The following FARS2 variants were observed in gnomAD, a reference collection of about 807,000 sequenced individuals.
FARS2 encodes phenylalanine--tRNA ligase, mitochondrial.
FARS2 carries 40 observed loss-of-function variants against 46.4 expected under a neutral mutation model. That is an observed-to-expected ratio of 0.86 (90% CI 0.67 to 1.12). FARS2 has a LOEUF of 1.12. Among genes scored for constraint, FARS2 ranks in the 50% most tolerant of loss-of-function variants. The pLI is 0.00. For synonymous variants in FARS2, 234 were observed against 214.9 expected (o/e 1.09, Z -0.78); for missense variants, 513 against 567.9 (o/e 0.90, Z 0.98).
chr6:5,686,957 G>C (rs1757278666), intron 6 of FARS2, among the ~76,000 whole-genome samples: 1 of 152,222 alleles, frequency 6.6e-6, no homozygotes, highest in Non-Finnish European at 1.5e-5. Context: ...GGCCAGTGAT[G>C]ATGAGCATTT....
At chr6:5,257,355 GA>G (rs1247540052), upstream of FARS2, among the ~76,000 whole-genome samples, 4 of 152,094 alleles carry the variant, frequency 2.6e-5, no homozygotes, top group Non-Finnish European at 5.9e-5. Flanking sequence ...CACCCCTTGG[GA>G]GGCCTTCTAG....
intron 3 of FARS2, among the ~76,000 whole-genome samples, chr6:5,411,152 G>A (rs1351183274): frequency 2.0e-5 from 3 of 152,136 alleles, no homozygotes; most frequent in African/African-American, 7.2e-5. Context: ...AATGGCTCAC[G>A]CCTGTAGTCC....
chr6:5,280,440 A>T (rs1461419184), intron 1 of FARS2, among the ~76,000 whole-genome samples: 2 of 152,080 alleles, frequency 1.3e-5, no homozygotes, highest in East Asian at 3.8e-4. Flanking sequence ...TGCCTTGGAT[A>T]ATATATGGAC....
At chr6:5,442,937 A>C (rs1763924601) in intron 4 of FARS2, among the ~76,000 whole-genome samples, 1 of 152,116 alleles carries the variant, frequency 6.6e-6, no homozygotes, top group South Asian at 2.1e-4. Flanking sequence ...ATCTGTCTAC[A>C]TTTCTGATGT....
chr6:5,688,279 A>T (rs75563000), intron 6 of FARS2, among the ~76,000 whole-genome samples: 2 of 152,312 alleles, frequency 1.3e-5, no homozygotes, highest in African/African-American at 4.8e-5. Flanking sequence ...GTCTTGTGCC[A>T]GTTTTCAAAG....
intron 4 of FARS2, among the ~76,000 whole-genome samples, chr6:5,504,845 A>G (rs1361011469): frequency 1.3e-5 from 2 of 152,002 alleles, no homozygotes; most frequent in Non-Finnish European, 2.9e-5. Flanking sequence ...CTTTTTTGAC[A>G]TAGGGTCTTT....
Position 5,332,262 on chromosome 6 carries a change from G to A in FARS2, c.-21-36288G>A, listed in dbSNP as rs368616982. ...TGCTGGAAATATAAAGAAGAATGAA[G>A]CCACGCACTTTGCAGGGGCATAGCA... On this transcript the variant is annotated intron_variant, in intron 1 of 6. Transcript: ENST00000274680. Among the ~76,000 whole-genome samples the A allele has an allele frequency of 3.9e-4, 59 of 152,274 alleles. No homozygotes were observed. The South Asian group carries it at 9.3e-3, about 24-fold the overall frequency.
intron 6 of FARS2, among the ~76,000 whole-genome samples, chr6:5,617,019 A>G (rs1391440526): frequency 6.6e-6 from 1 of 152,116 alleles, no homozygotes; most frequent in Non-Finnish European, 1.5e-5. Flanking sequence ...TTCAAGGGGA[A>G]TGCTGAATGG....
intron 4 of FARS2, among the ~76,000 whole-genome samples, chr6:5,458,899 A>G (rs1458341931): frequency 6.6e-6 from 1 of 152,226 alleles, no homozygotes; most frequent in Non-Finnish European, 1.5e-5. Context: ...GACTGTACAA[A>G]TGGTGCCATT....
intron 3 of FARS2, among the ~76,000 whole-genome samples, chr6:5,420,685 G>A (rs1177436117): frequency 6.6e-6 from 1 of 152,202 alleles, no homozygotes; most frequent in Non-Finnish European, 1.5e-5. Context: ...CTCTGCCCCT[G>A]TGGCTTTGCA....
At chr6:5,763,454 T>C (rs190425000) in intron 6 of FARS2, among the ~76,000 whole-genome samples, 170 of 152,216 alleles carry the variant, frequency 1.1e-3, no homozygotes, top group Middle Eastern at 3.4e-3. Flanking sequence ...CAAGACCATG[T>C]CTCAAATAAA....
At chr6:5,585,311 G>A (rs1226343678) in intron 5 of FARS2, among the ~76,000 whole-genome samples, 1 of 151,976 alleles carries the variant, frequency 6.6e-6, no homozygotes, top group Non-Finnish European at 1.5e-5. Flanking sequence ...TTTTTTGTGT[G>A]TGTAAGTGTA....
At chr6:5,571,304 C>A (rs539360080) in intron 5 of FARS2, among the ~76,000 whole-genome samples, 1 of 152,210 alleles carries the variant, frequency 6.6e-6, no homozygotes, top group Non-Finnish European at 1.5e-5. Context: ...TTAATTCATG[C>A]GTCTTCTGTG....
At chr6:5,369,277 C>G in intron 2 of FARS2, 95 bp downstream of exon 2, 4 of 1,264,730 alleles carry the variant, frequency 3.2e-6, no homozygotes, top group Non-Finnish European at 4.3e-6. Context: ...GCATAGTCAT[C>G]CTTGCTTGCC....
chr6:5,712,547 G>T (rs913596289), intron 6 of FARS2, among the ~76,000 whole-genome samples: 3 of 152,200 alleles, frequency 2.0e-5, no homozygotes, highest in African/African-American at 7.2e-5. Flanking sequence ...CAGCAACTCG[G>T]AAATGTAGAC....
At chr6:5,545,366 A>C in intron 5 of FARS2, 26 bp downstream of exon 5, 1 of 1,571,440 alleles carries the variant, frequency 6.4e-7, no homozygotes. Flanking sequence ...AGAACTGAAT[A>C]GATAATAATA....
chr6:5,684,792 C>A (rs909283141), intron 6 of FARS2, among the ~76,000 whole-genome samples: 1 of 152,168 alleles, frequency 6.6e-6, no homozygotes. Context: ...GTTTTTCTTG[C>A]TAACAGGAGC....
At chr6:5,395,151 A>G (rs1320222457) in intron 2 of FARS2, among the ~76,000 whole-genome samples, 1 of 152,088 alleles carries the variant, frequency 6.6e-6, no homozygotes, top group Non-Finnish European at 1.5e-5. Flanking sequence ...CATAGGTTCA[A>G]GCGATTCTCC....
intron 6 of FARS2, among the ~76,000 whole-genome samples, chr6:5,731,266 C>T (rs1241721634): frequency 6.6e-6 from 1 of 151,816 alleles, no homozygotes; most frequent in Non-Finnish European, 1.5e-5. Context: ...TCCTGTTTTT[C>T]CTTCCTTCCT....
Sources: gnomAD v4.1 joint callset for allele counts (sites outside exome capture counted in the v4.1 genomes callset) on GRCh38, gnomAD v4.1.1 for gene constraint, MANE v1.5 for transcripts, NCBI Gene and HGNC (gene_info 2026-07-23, HGNC 2026-07-21) for gene names.